Variants in CGNL1 observed in about 807,000 individuals in gnomAD.
CGNL1 encodes the protein cingulin-like protein 1.
Under a neutral mutation model 141.2 loss-of-function variants are expected in CGNL1, and 132 were observed. That is an observed-to-expected ratio of 0.93 (90% CI 0.81 to 1.08). The LOEUF (loss-of-function observed/expected upper bound fraction) is 1.08, where lower values mean the gene tolerates loss of function less well. Among genes scored for constraint, CGNL1 ranks in the 50% least tolerant of loss-of-function variants. CGNL1 has a pLI of 0.00. For synonymous variants in CGNL1, 690 were observed against 622.1 expected, an observed-to-expected ratio of 1.11 and a Z score of -1.63; for missense variants, 1,870 against 1,588.6, an observed-to-expected ratio of 1.18 and a Z score of -3.01.
chr15:57,467,533 C>T (rs1342697128), intron 8 of CGNL1, among the ~76,000 whole-genome samples: 2 of 151,974 alleles, frequency 1.3e-5, no homozygotes, highest in Non-Finnish European at 2.9e-5. Flanking sequence ...AATGAGTGGA[C>T]CGTGCTCGGA....
chr15:57,516,961 C>G lies in CGNL1; in HGVS notation c.2585C>G (p.Ala862Gly), dbSNP rs149796026. 1 of 1,613,364 alleles carries G rather than the reference C, an allele frequency of 6.2e-7. No homozygotes were observed. Among genetic ancestry groups the G allele is most frequent in the Non-Finnish European group, 8.5e-7 (1 of 1,179,990 alleles). Reference protein sequence around the residue: ...IEDLKGDEAKAKETLKKYEGE... With the variant: ...IEDLKGDEAKGKETLKKYEGE... ...GACCTGAAAGGCGATGAAGCCAAGG[C>G]GAAGGAAACGCTGAAGAAGTACGAG... Residue 862 changes from alanine (A) to glycine (G), a missense_variant, in exon 9 of 19, where the codon GCG becomes GGG. Transcript: ENST00000281282.
chr15:57,470,494 A>G (rs917499533), intron 8 of CGNL1, among the ~76,000 whole-genome samples: 5 of 152,042 alleles, frequency 3.3e-5, no homozygotes, highest in Non-Finnish European at 4.4e-5. Context: ...GGTAATGGAC[A>G]GATCTCTTAG....
Position 57,485,748 on chromosome 15 carries a change from A to G in CGNL1, c.2403+23856A>G, listed in dbSNP as rs72739752. ...AGTAGAAGAAAATATATTTTGGATC[A>G]TACTTTTGACACCACCTTTTTCCTC... On this transcript the variant is annotated intron_variant, in intron 8 of 18. Transcript: ENST00000281282. Among the ~76,000 whole-genome samples the G allele has an allele frequency of 8.9e-3, 1,349 of 152,362 alleles. 16 individuals carry two copies. The highest frequency in any genetic ancestry group is 0.017 in the South Asian group (84 of 4,828).
chr15:57,526,834 G>A (rs1323749333), intron 12 of CGNL1, among the ~76,000 whole-genome samples: 1 of 152,076 alleles, frequency 6.6e-6, no homozygotes, highest in African/African-American at 2.4e-5. Context: ...TGCTGGGTGT[G>A]GAAGGTGGGG....
intron 1 of CGNL1, among the ~76,000 whole-genome samples, chr15:57,414,761 G>A (rs2062830121): frequency 6.6e-6 from 1 of 152,110 alleles, no homozygotes. Flanking sequence ...GGTTTCTTAG[G>A]CCGAGGTTAG....
chr15:57,510,728 G>A (rs1350281347), intron 8 of CGNL1, among the ~76,000 whole-genome samples: 2 of 152,178 alleles, frequency 1.3e-5, no homozygotes, highest in Non-Finnish European at 2.9e-5. Context: ...ACCCCACACT[G>A]GACTTCTCTG....
chr15:57,391,915 A>G (rs1474670105), intron 1 of CGNL1, among the ~76,000 whole-genome samples: 1 of 151,946 alleles, frequency 6.6e-6, no homozygotes, highest in Non-Finnish European at 1.5e-5. Context: ...GCAAATCAGC[A>G]TGTATTCTGA....
intron 1 of CGNL1, among the ~76,000 whole-genome samples, chr15:57,423,669 C>T (rs1214561527): frequency 6.6e-6 from 1 of 152,204 alleles, no homozygotes; most frequent in Non-Finnish European, 1.5e-5. Context: ...TCTTGCATCC[C>T]CAGCTTCTCT....
intron 10 of CGNL1, among the ~76,000 whole-genome samples, chr15:57,523,169 C>T (rs539883219): frequency 3.9e-5 from 6 of 152,206 alleles, no homozygotes; most frequent in Non-Finnish European, 8.8e-5. Flanking sequence ...GAATTTCAAG[C>T]ATGAACATTC....
chr15:57,535,210 C>T (rs1455982806), intron 14 of CGNL1, among the ~76,000 whole-genome samples: 3 of 152,258 alleles, frequency 2.0e-5, no homozygotes, highest in East Asian at 1.9e-4. Context: ...TCTATCTACC[C>T]GTGCCTGCAA....
At position 57,461,683 on chromosome 15, in the gene CGNL1, C is replaced by G. The variant is rs763302266; in HGVS notation, c.2194C>G (p.Leu732Val). 2.5e-6 allele frequency: 4 copies of G among 1,613,640 alleles called. No homozygotes were observed. The African/African-American group carries it at 5.3e-5, about 22-fold the overall frequency. The part of the protein sequence containing the change: ...DREKGALIEE[L>V]LQAKQDLQDL... ...CCTTCGTGTTTCCTCTCTCTAGGAG[C>G]TCTTACAGGCAAAACAGGATCTTCA... The change falls in exon 8 of 19, where the codon CTC becomes GTC. Residue 732 changes from leucine to valine, a missense_variant. Leu to Val is a conservative substitution (Grantham distance 32). Transcript: ENST00000281282.
intron 4 of CGNL1, among the ~76,000 whole-genome samples, chr15:57,442,943 G>C (rs2063208283): frequency 6.6e-6 from 1 of 152,180 alleles, no homozygotes; most frequent in Non-Finnish European, 1.5e-5. Context: ...TTCCAGAAAA[G>C]TTTAAAGATA....
intron 14 of CGNL1, among the ~76,000 whole-genome samples, chr15:57,534,452 C>T (rs376200227): frequency 7.2e-5 from 11 of 152,300 alleles, no homozygotes; most frequent in Admixed American, 2.0e-4. Context: ...GCCAAATACC[C>T]GCCTCCCTGG....
At chr15:57,436,878 C>G (rs2063112488) in intron 1 of CGNL1, among the ~76,000 whole-genome samples, 1 of 151,972 alleles carries the variant, frequency 6.6e-6, no homozygotes, top group South Asian at 2.1e-4. Context: ...TTATCCTACC[C>G]AAATTCTGCA....
chr15:57,458,025 G>C (rs1326535082), intron 7 of CGNL1, among the ~76,000 whole-genome samples: 1 of 152,230 alleles, frequency 6.6e-6, no homozygotes, highest in East Asian at 1.9e-4. Context: ...AGGCTGTGTG[G>C]TCTTAGGCAT....
intron 8 of CGNL1, among the ~76,000 whole-genome samples, chr15:57,505,652 G>C (rs2064091913): frequency 6.6e-6 from 1 of 152,080 alleles, no homozygotes; most frequent in Non-Finnish European, 1.5e-5. Flanking sequence ...TAGCAGTCTT[G>C]GCCCAGGCTC....
rs1161830582 is a variant in CGNL1 at position 57,439,318 on chromosome 15, T to C, written c.1319T>C (p.Val440Ala). 1 of 1,614,068 alleles carries C rather than the reference T, an allele frequency of 6.2e-7. No homozygotes were observed. The highest frequency in any genetic ancestry group is 1.1e-5 in the South Asian group (1 of 91,088). Reference protein sequence around the residue: ...LSQERRGKQSVGRTFAKLQGA... With the variant: ...LSQERRGKQSAGRTFAKLQGA... The stretch of plus-strand genomic sequence containing the variant: ...CAGGAGCGCCGTGGGAAACAGAGCG[T>C]GGGCCGCACCTTTGCAAAGCTGCAG... Residue 440 changes from valine (V) to alanine (A), a missense_variant, in exon 2 of 19, where the codon GTG becomes GCG. Physicochemically the swap from Val to Ala is moderately conservative, Grantham distance 64. Coordinates refer to ENST00000281282, the MANE Select transcript of CGNL1 (RefSeq NM_032866.5).
chr15:57,509,427 AGG>A (rs56876169), intron 8 of CGNL1, among the ~76,000 whole-genome samples: 1,758 of 152,368 alleles, frequency 0.012, 39 homozygotes, highest in African/African-American at 0.041. Flanking sequence ...GGTCGGCACT[AGG>A]ACAAGCAGGA....
At chr15:57,544,951 A>C (rs1328411822) in intron 16 of CGNL1, among the ~76,000 whole-genome samples, 1 of 152,164 alleles carries the variant, frequency 6.6e-6, no homozygotes, top group African/African-American at 2.4e-5. Context: ...TAGAGGCCAG[A>C]AGGCTGACTC....
Sources: allele counts gnomAD v4.1 joint callset (sites outside exome capture counted in the v4.1 genomes callset), GRCh38; gene constraint gnomAD v4.1.1; transcripts MANE v1.5; gene names NCBI Gene and HGNC (gene_info 2026-07-23, HGNC 2026-07-21).